VPS13A: variants seen among roughly 807,000 people sequenced by gnomAD.
The protein encoded by VPS13A is vacuolar protein sorting 13 homolog A.
A neutral mutation model predicts 390.9 loss-of-function variants in VPS13A; 264 were observed. The observed-to-expected ratio is 0.68, with a 90% CI of 0.61 to 0.75. The LOEUF (loss-of-function observed/expected upper bound fraction) is 0.75, where lower values mean the gene tolerates loss of function less well. Ranked by LOEUF, VPS13A falls within the 30% of genes least tolerant of loss-of-function variation. The pLI, the probability that VPS13A is intolerant of heterozygous loss-of-function variation, is 0.00. For missense variants in VPS13A, 3,409 were observed against 3,733.9 expected (o/e 0.91, Z 2.27); for synonymous variants, 1,231 against 1,227.1 (o/e 1.00, Z -0.07).
chr9:77,351,645 C>T (rs752049517), intron 53 of VPS13A, among the ~76,000 whole-genome samples, 199 bp downstream of exon 53: 1 of 152,028 alleles, frequency 6.6e-6, no homozygotes. Context: ...CCAAGGCAGG[C>T]GGATCACCAG....
chr9:77,374,325 C>T (rs1832955969), intron 67 of VPS13A, among the ~76,000 whole-genome samples: 1 of 152,046 alleles, frequency 6.6e-6, no homozygotes, highest in Admixed American at 6.6e-5. Context: ...TAAAATAAGA[C>T]AATTATAACA....
chr9:77,363,494 G>A (rs1051589762), intron 59 of VPS13A, among the ~76,000 whole-genome samples: 7 of 140,632 alleles, frequency 5.0e-5, no homozygotes, highest in Admixed American at 2.4e-4. Flanking sequence ...TACAACCTCC[G>A]CCTCGTGGGT....
At chr9:77,227,588 T>TCACAC in intron 16 of VPS13A, 103 bp downstream of exon 16, 4 of 889,374 alleles carry the variant, frequency 4.5e-6, no homozygotes, top group Non-Finnish European at 5.3e-6. Flanking sequence ...AGTGGTGTGA[T>TCACAC]CTCTGCTGCC....
At chr9:77,201,169 C>T (rs758260540) in intron 2 of VPS13A, among the ~76,000 whole-genome samples, 196 bp from the exon 3 acceptor site, 31 of 151,962 alleles carry the variant, frequency 2.0e-4, no homozygotes, top group Admixed American at 4.6e-4. Context: ...AAAAGAGCAG[C>T]TTCCCTGGAT....
At chr9:77,261,047 G>A (rs1192000138) in intron 23 of VPS13A, among the ~76,000 whole-genome samples, 2 of 151,694 alleles carry the variant, frequency 1.3e-5, no homozygotes, top group South Asian at 4.2e-4. Context: ...ACAGGCGCCC[G>A]CCACCACGCC....
rs2131498692 is a variant in VPS13A, at chr9:77,337,378, T to C, written c.6219T>C (p.Ser2073=). The C allele has an allele frequency of 1.2e-6, 2 of 1,612,708 alleles. No individual in the cohort carries two copies. Among genetic ancestry groups the C allele is most frequent in the South Asian group, 2.2e-5 (2 of 91,028 alleles). ...LKKKCRSKNP[S]KESFLINIVP... is the part of the protein sequence containing the mutation. ...AGAAATGTAGATCTAAAAACCCTTC[T>C]AAGGAATCATTTCTCATTAATATTG... The change falls in exon 47 of 72, where the codon TCT becomes TCC. Residue 2073 remains serine (S), a synonymous_variant. Coordinates refer to ENST00000360280, the MANE Select transcript of VPS13A (RefSeq NM_033305.3).
chr9:77,337,006 C>G (rs770350658), intron 46 of VPS13A, among the ~76,000 whole-genome samples: 1 of 151,740 alleles, frequency 6.6e-6, no homozygotes, highest in Non-Finnish European at 1.5e-5. Context: ...ACCGTCTTAG[C>G]CAGGATGGTC....
At chr9:77,332,244 C>G (rs911487588) in intron 46 of VPS13A, 131 bp downstream of exon 46, 1 of 681,616 alleles carries the variant, frequency 1.5e-6, no homozygotes, top group Non-Finnish European at 2.6e-6. Context: ...TTTCAGTGCA[C>G]TTAGATCTTA....
intron 50 of VPS13A, 137 bp downstream of exon 50, chr9:77,340,687 T>C (rs1830763294): frequency 1.9e-6 from 2 of 1,062,670 alleles, no homozygotes; most frequent in Admixed American, 2.2e-5. Flanking sequence ...CTTTATTGAA[T>C]ATTTGTGCCC....
At chr9:77,354,526 T>C (rs932539968) in intron 54 of VPS13A, among the ~76,000 whole-genome samples, 6 of 152,176 alleles carry the variant, frequency 3.9e-5, no homozygotes, top group African/African-American at 1.4e-4. Context: ...TACCTTTCTG[T>C]TTCTTAAATG....
chr9:77,238,186 G>A lies in VPS13A; in HGVS notation c.1780G>A (p.Asp594Asn), dbSNP rs1295653085. ...IEAEPLEIIY[D>N]ARTVNSIVEF... The stretch of plus-strand genomic sequence containing the variant: ...AGCTGAACCTTTAGAAATCATATAT[G>A]ATGCAGTAAGCATTTTTTTAAATTA... Residue 594 changes from aspartate to asparagine, a missense_variant, in exon 18 of 72, where the codon GAT becomes AAT. By Grantham distance (23) the Asp-to-Asn change is conservative. Transcript: ENST00000360280. 2 of 1,612,638 alleles carry A rather than the reference G, an allele frequency of 1.2e-6. No homozygotes were observed. The highest frequency in any genetic ancestry group is 3.3e-5 in the Admixed American group (2 of 59,980).
chr9:77,298,745 C>T (rs896339789), intron 33 of VPS13A, among the ~76,000 whole-genome samples: 3 of 152,128 alleles, frequency 2.0e-5, no homozygotes, highest in Admixed American at 6.6e-5. Flanking sequence ...ATAATTCCCA[C>T]ATGTTGTGGG....
At chr9:77,267,729 C>G (rs565905492) in intron 23 of VPS13A, among the ~76,000 whole-genome samples, 1 of 152,208 alleles carries the variant, frequency 6.6e-6, no homozygotes, top group Non-Finnish European at 1.5e-5. Flanking sequence ...TCAGAGCCAG[C>G]AAGCAGGAAT....
At chr9:77,307,183 G>GC (rs1289367975) in intron 34 of VPS13A, among the ~76,000 whole-genome samples, 2 of 152,130 alleles carry the variant, frequency 1.3e-5, no homozygotes, top group East Asian at 3.9e-4. Context: ...GGGCTTACAG[G>GC]CGTGACCCAT....
rs539587935 is a variant in VPS13A, at chr9:77,287,756, G to A, written c.3339+4106G>A. Among the ~76,000 whole-genome samples, 38 of 152,314 alleles carry A rather than the reference G, an allele frequency of 2.5e-4. No homozygotes were observed. In the South Asian group the frequency reaches 7.9e-3, roughly 32 times the overall value. Reference sequence around the variant, plus strand: ...AAGAGCTTTCCAGGTGGAGGAAAGAGCAACTATAAAAGCCTTGTAGCAGGA... The same window carrying A: ...AAGAGCTTTCCAGGTGGAGGAAAGAACAACTATAAAAGCCTTGTAGCAGGA... On this transcript the variant is annotated intron_variant, in intron 31 of 71. Transcript: ENST00000360280.
At chr9:77,233,580 G>T (rs1587383497) in intron 17 of VPS13A, among the ~76,000 whole-genome samples, 2 of 151,612 alleles carry the variant, frequency 1.3e-5, no homozygotes, top group East Asian at 3.9e-4. Flanking sequence ...GATACATCCT[G>T]TATGTTTTGT....
rs114111769 is a variant in VPS13A at position 77,278,763 on chromosome 9, C to T, written c.2825-1396C>T. Among the ~76,000 whole-genome samples the T allele has an allele frequency of 4.6e-3, 696 of 152,230 alleles. 3 individuals are homozygous for T. The highest frequency in any genetic ancestry group is 0.016 in the African/African-American group (655 of 41,540). The stretch of plus-strand genomic sequence containing the variant: ...CTTTAGATACTAATTTTCTAGCAAC[C>T]GTAAGTCATTTGGTGATGAGAGTTT... On this transcript the variant is annotated intron_variant, in intron 26 of 71. Transcript: ENST00000360280.
At chr9:77,345,656 A>T (rs1359582986) in intron 52 of VPS13A, among the ~76,000 whole-genome samples, 1 of 152,140 alleles carries the variant, frequency 6.6e-6, no homozygotes, top group South Asian at 2.1e-4. Context: ...ACTACAGGTT[A>T]TGCAAGTTTC....
At chr9:77,341,483 A>G (rs1162300167) in intron 50 of VPS13A, among the ~76,000 whole-genome samples, 3 of 151,952 alleles carry the variant, frequency 2.0e-5, no homozygotes, top group Non-Finnish European at 2.9e-5. Flanking sequence ...AGATCTGTGG[A>G]TTAATGTATT....
Sources: gnomAD v4.1 joint callset for allele counts (sites outside exome capture counted in the v4.1 genomes callset) on GRCh38, gnomAD v4.1.1 for gene constraint, MANE v1.5 for transcripts, NCBI Gene and HGNC (gene_info 2026-07-23, HGNC 2026-07-21) for gene names.